Variants in KCNH7 observed in about 807,000 individuals in gnomAD.
The protein encoded by KCNH7 is potassium voltage-gated channel subfamily H member 7.
In KCNH7, 49 loss-of-function variants were observed where a neutral mutation model predicts 120.8. That is an observed-to-expected ratio of 0.41 (90% CI 0.32 to 0.51). The LOEUF (loss-of-function observed/expected upper bound fraction) is 0.51. Ranked by LOEUF, KCNH7 falls within the 20% of genes least tolerant of loss-of-function variation. The probability of loss-of-function intolerance (pLI) is 0.38; values close to 1 mark genes in which losing one functional copy is unlikely to be tolerated. For missense variants in KCNH7, 1,097 were observed against 1,446.6 expected (o/e 0.76, Z 3.92); for synonymous variants, 547 against 516.1 (o/e 1.06, Z -0.81).
intron 2 of KCNH7, among the ~76,000 whole-genome samples, chr2:162,775,501 C>T (rs1683202360): frequency 6.6e-6 from 1 of 151,870 alleles, no homozygotes. Context: ...GTAGCCATCA[C>T]ATTTAAAAGT....
chr2:162,773,536 G>T (rs1482428483), intron 2 of KCNH7, among the ~76,000 whole-genome samples: 3 of 152,098 alleles, frequency 2.0e-5, no homozygotes, highest in Non-Finnish European at 4.4e-5. Flanking sequence ...TGAAATAAAT[G>T]TGTCAGCAAA....
chr2:162,728,578 A>C (rs1171115203), intron 2 of KCNH7, among the ~76,000 whole-genome samples: 2 of 152,180 alleles, frequency 1.3e-5, no homozygotes, highest in African/African-American at 2.4e-5. Context: ...CAGGAGTTCG[A>C]GACCAGCCTG....
At chr2:162,584,136 C>T (rs967349669) in intron 2 of KCNH7, among the ~76,000 whole-genome samples, 2 of 152,122 alleles carry the variant, frequency 1.3e-5, no homozygotes, top group Non-Finnish European at 2.9e-5. Context: ...TACATGCTTA[C>T]TGCATTTTAA....
intron 2 of KCNH7, among the ~76,000 whole-genome samples, chr2:162,618,570 A>G (rs575754365): frequency 6.6e-6 from 1 of 152,310 alleles, no homozygotes; most frequent in African/African-American, 2.4e-5. Flanking sequence ...AAATGAAATA[A>G]ACTATTATAC....
At chr2:162,645,431 C>A (rs1471174453) in intron 2 of KCNH7, among the ~76,000 whole-genome samples, 1 of 152,138 alleles carries the variant, frequency 6.6e-6, no homozygotes, top group South Asian at 2.1e-4. Context: ...CAGGCATGAG[C>A]CACTACACCT....
At chr2:162,475,179 A>T (rs1689693780) in intron 6 of KCNH7, among the ~76,000 whole-genome samples, 1 of 152,248 alleles carries the variant, frequency 6.6e-6, no homozygotes, top group Non-Finnish European at 1.5e-5. Flanking sequence ...CCCTGGAGAC[A>T]TGTGGTATAC....
At chr2:162,702,269 C>G (rs541948854) in intron 2 of KCNH7, among the ~76,000 whole-genome samples, 1 of 152,266 alleles carries the variant, frequency 6.6e-6, no homozygotes, top group South Asian at 2.1e-4. Context: ...AGCTAGATCT[C>G]TATTTGGTAG....
At chr2:162,816,198 G>A (rs545750455) in intron 2 of KCNH7, among the ~76,000 whole-genome samples, 6 of 137,182 alleles carry the variant, frequency 4.4e-5, no homozygotes, top group African/African-American at 1.6e-4. Flanking sequence ...CAGAGATTGA[G>A]GTGAGCCGAG....
At chr2:162,383,462 T>C (rs1686484245) in intron 13 of KCNH7, among the ~76,000 whole-genome samples, 1 of 151,920 alleles carries the variant, frequency 6.6e-6, no homozygotes, top group African/African-American at 2.4e-5. Context: ...CTTACTTCAA[T>C]GTGGGGTCAT....
At chr2:162,759,979 G>A (rs1196940038) in intron 2 of KCNH7, among the ~76,000 whole-genome samples, 1 of 141,120 alleles carries the variant, frequency 7.1e-6, no homozygotes, top group Non-Finnish European at 1.5e-5. Context: ...TTTGCATAGA[G>A]TGTGTACTGA....
At chr2:162,683,304 G>A (rs1157907761) in intron 2 of KCNH7, among the ~76,000 whole-genome samples, 2 of 151,830 alleles carry the variant, frequency 1.3e-5, no homozygotes, top group African/African-American at 4.8e-5. Context: ...CCTATTCAGA[G>A]AGGGTTTAGA....
At chr2:162,455,053 A>T (rs1015152663) in intron 6 of KCNH7, among the ~76,000 whole-genome samples, 17 of 152,138 alleles carry the variant, frequency 1.1e-4, no homozygotes, top group Admixed American at 9.8e-4. Flanking sequence ...TTGCCTACTC[A>T]GTATGATATT....
At chr2:162,524,262 A>G (rs143633544) in intron 3 of KCNH7, among the ~76,000 whole-genome samples, 2,114 of 152,122 alleles carry the variant, frequency 0.014, 31 homozygotes, top group Non-Finnish European at 0.021. Context: ...AATTCTGCCA[A>G]ATTGAAGCCA....
chr2:162,455,274 A>G (rs1688922214), intron 6 of KCNH7, among the ~76,000 whole-genome samples: 1 of 152,142 alleles, frequency 6.6e-6, no homozygotes, highest in Non-Finnish European at 1.5e-5. Context: ...CTTGCGTCCC[A>G]GGGATGAAGC....
intron 2 of KCNH7, among the ~76,000 whole-genome samples, chr2:162,761,705 T>C (rs971353915): frequency 2.0e-5 from 3 of 152,102 alleles, no homozygotes; most frequent in Admixed American, 6.6e-5. Flanking sequence ...AATTTTAATC[T>C]GGCAATGTTT....
intron 2 of KCNH7, among the ~76,000 whole-genome samples, chr2:162,779,947 A>C (rs1683413463): frequency 6.6e-6 from 1 of 152,202 alleles, no homozygotes; most frequent in Non-Finnish European, 1.5e-5. Flanking sequence ...TTTCTCCCTT[A>C]GTCTGCTGCA....
intron 2 of KCNH7, among the ~76,000 whole-genome samples, chr2:162,637,679 C>A (rs546143790): frequency 1.3e-5 from 2 of 151,872 alleles, no homozygotes; most frequent in Non-Finnish European, 2.9e-5. Flanking sequence ...AGACGTATAT[C>A]AAAATATCAT....
At chr2:162,689,307 T>A (rs1326283615) in intron 2 of KCNH7, among the ~76,000 whole-genome samples, 4 of 152,002 alleles carry the variant, frequency 2.6e-5, no homozygotes, top group Non-Finnish European at 4.4e-5. Flanking sequence ...TCCACCACCA[T>A]GCCTGGCTGA....
chr2:162,545,585 T>C (rs866391589), intron 2 of KCNH7, among the ~76,000 whole-genome samples: 40 of 152,174 alleles, frequency 2.6e-4, no homozygotes, highest in Non-Finnish European at 5.7e-4. Flanking sequence ...ATCTCAGGAA[T>C]CTAGTTAAAA....
Sources: allele counts gnomAD v4.1 joint callset (sites outside exome capture counted in the v4.1 genomes callset), GRCh38; gene constraint gnomAD v4.1.1; transcripts MANE v1.5; gene names NCBI Gene and HGNC (gene_info 2026-07-23, HGNC 2026-07-21).